Variants in MDGA2 observed in about 807,000 individuals in gnomAD.
The protein encoded by MDGA2 is MAM domain containing glycosylphosphatidylinositol anchor 2.
In MDGA2, 40 loss-of-function variants were observed where a neutral mutation model predicts 117.8. That is an observed-to-expected ratio of 0.34 (90% CI 0.26 to 0.44). The LOEUF is 0.44. Among genes scored for constraint, MDGA2 ranks in the 20% least tolerant of loss-of-function variants. The probability of loss-of-function intolerance (pLI) is 1.00; values close to 1 mark genes in which losing one functional copy is unlikely to be tolerated. For synonymous variants in MDGA2, 452 were observed against 439.0 expected (o/e 1.03, Z -0.37); for missense variants, 1,123 against 1,250.6 (o/e 0.90, Z 1.54).
At chr14:47,356,515 G>GT (rs1890997104) in intron 1 of MDGA2, among the ~76,000 whole-genome samples, 1 of 152,118 alleles carries the variant, frequency 6.6e-6, no homozygotes, top group African/African-American at 2.4e-5. Flanking sequence ...TATGCCATGC[G>GT]TATCCCCAGA....
In MDGA2 at chr14:47,200,991, G is replaced by A. The variant is rs531299348; in HGVS notation, c.595+17030C>T. ...AATTGCCAGAAATGTTGATGCCTTC[G>A]CAGCATACGACCACCACTTTCCTGC... On this transcript the variant is annotated intron_variant, in intron 3 of 16. Transcript: ENST00000399232. 76 of 839,428 alleles carry A rather than the reference G, an allele frequency of 9.1e-5. 1 individual carries two copies. The South Asian group carries it at 9.6e-4, about 11-fold the overall frequency. 52.0% of individuals were successfully genotyped at this position (839,428 alleles called of 1,614,324 possible).
chr14:47,467,751 GT>G (rs1893633990), intron 1 of MDGA2, among the ~76,000 whole-genome samples: 1 of 152,072 alleles, frequency 6.6e-6, no homozygotes, highest in Non-Finnish European at 1.5e-5. Flanking sequence ...ATAAGTATGT[GT>G]GTGTGTGTTT....
chr14:46,904,818 A>G (rs916861581), intron 10 of MDGA2, among the ~76,000 whole-genome samples: 2 of 152,176 alleles, frequency 1.3e-5, no homozygotes, highest in Non-Finnish European at 1.5e-5. Context: ...CCCCAAACTC[A>G]GGTGATTTCT....
chr14:47,216,445 G>A (rs1336363593), intron 3 of MDGA2, among the ~76,000 whole-genome samples: 3 of 152,008 alleles, frequency 2.0e-5, no homozygotes, highest in South Asian at 2.1e-4. Flanking sequence ...TGGGCAAAAC[G>A]TGATTATTCA....
Position 47,204,613 on chromosome 14 carries a change from G to A in MDGA2, c.595+13408C>T, listed in dbSNP as rs181234337. Among the ~76,000 whole-genome samples, 7 of 151,848 alleles carry A rather than the reference G, an allele frequency of 4.6e-5. No homozygotes were observed. The East Asian group carries it at 1.2e-3, about 25-fold the overall frequency. ...GGTTGCAACACCTTCTTCATTCCTA[G>A]TATTATTCTGTTAACAGTGGAACTT... is the stretch of plus-strand genomic sequence containing the variant. On this transcript the variant is annotated intron_variant, in intron 3 of 16. Coordinates refer to ENST00000399232, the MANE Select transcript of MDGA2 (RefSeq NM_001113498.3).
Position 47,374,419 on chromosome 14 carries a change from G to A in MDGA2, c.281-72869C>T, listed in dbSNP as rs970456496. 6.6e-5 allele frequency among the ~76,000 whole-genome samples: 10 copies of A among 151,962 alleles called. 1 individual carries two copies. Among genetic ancestry groups the A allele is most frequent in the African/African-American group, 1.4e-4 (6 of 41,384 alleles). On this transcript the variant is annotated intron_variant, in intron 1 of 16. Coordinates refer to ENST00000399232, the MANE Select transcript of MDGA2 (RefSeq NM_001113498.3). ...TCTATATAAGCAAGATTGCCAGACC[G>A]TAAGACACATGTGATATTAATATCT...
At chr14:47,655,477 A>C (rs1195664220) in intron 1 of MDGA2, among the ~76,000 whole-genome samples, 3 of 152,142 alleles carry the variant, frequency 2.0e-5, no homozygotes, top group Non-Finnish European at 2.9e-5. Flanking sequence ...ACATCCTGTA[A>C]GAGAACCGAA....
At position 47,241,463 on chromosome 14, in the gene MDGA2, T is replaced by A. The variant is rs183824368; in HGVS notation, c.421-23268A>T. On this transcript the variant is annotated intron_variant, in intron 2 of 16. Coordinates refer to ENST00000399232, the MANE Select transcript of MDGA2 (RefSeq NM_001113498.3). Reference sequence around the variant, plus strand: ...TCACAGGATAGAAGAAATTTAAAAATTATTGTGTTTGTTTTTTGTGTGTGT... The same window carrying A: ...TCACAGGATAGAAGAAATTTAAAAAATATTGTGTTTGTTTTTTGTGTGTGT... Among the ~76,000 whole-genome samples, 943 of 152,060 alleles carry A rather than the reference T, an allele frequency of 6.2e-3. 34 individuals carry two copies. Among genetic ancestry groups the A allele is most frequent in the Non-Finnish European group, 0.011 (746 of 67,866 alleles).
intron 1 of MDGA2, among the ~76,000 whole-genome samples, chr14:47,538,905 G>C (rs944880864): frequency 1.3e-5 from 2 of 152,118 alleles, no homozygotes; most frequent in Non-Finnish European, 2.9e-5. Context: ...TATCTCAGGG[G>C]TAACGGAGTA....
intron 5 of MDGA2, among the ~76,000 whole-genome samples, chr14:47,126,213 T>C (rs1238050922): frequency 3.3e-5 from 5 of 152,026 alleles, no homozygotes; most frequent in African/African-American, 7.2e-5. Flanking sequence ...TATATATAAA[T>C]TTTAAAAATA....
At chr14:47,627,230 T>TGGC (rs887778014) in intron 1 of MDGA2, among the ~76,000 whole-genome samples, 1 of 150,302 alleles carries the variant, frequency 6.7e-6, no homozygotes, top group African/African-American at 2.5e-5. Flanking sequence ...ATGCACCAAT[T>TGGC]GGCACTCTGT....
chr14:47,654,344 A>T (rs1897700097), intron 1 of MDGA2, among the ~76,000 whole-genome samples: 1 of 152,058 alleles, frequency 6.6e-6, no homozygotes, highest in Non-Finnish European at 1.5e-5. Context: ...CCCTGTTAAG[A>T]GACTAGTGTT....
intron 3 of MDGA2, among the ~76,000 whole-genome samples, chr14:47,167,767 A>G (rs1404423276): frequency 6.6e-6 from 1 of 152,216 alleles, no homozygotes; most frequent in Admixed American, 6.5e-5. Context: ...GTGAGTGGTT[A>G]TATGAACAAA....
At chr14:46,942,227 T>C (rs552450770) in intron 9 of MDGA2, among the ~76,000 whole-genome samples, 72 of 152,280 alleles carry the variant, frequency 4.7e-4, no homozygotes, top group African/African-American at 1.5e-3. Flanking sequence ...CAAATCATTC[T>C]TGAGGAAAAA....
intron 14 of MDGA2, chr14:46,871,632 G>A (rs1485933127): frequency 6.5e-6 from 1 of 153,998 alleles, no homozygotes; most frequent in Non-Finnish European, 1.5e-5. Flanking sequence ...AGTAACCTAA[G>A]ATTATGAGTG....
intron 8 of MDGA2, among the ~76,000 whole-genome samples, chr14:47,013,375 C>T (rs1021933121): frequency 6.6e-6 from 1 of 152,088 alleles, no homozygotes; most frequent in African/African-American, 2.4e-5. Context: ...GAAGTTCTTT[C>T]GTGAGATTGC....
chr14:47,018,792 G>A (rs141670222), intron 8 of MDGA2, among the ~76,000 whole-genome samples: 5,442 of 114,608 alleles, frequency 0.047, 168 homozygotes, highest in Middle Eastern at 0.084. Context: ...AAACAAAGTG[G>A]GAAAATAGGG....
At chr14:47,270,884 T>G (rs1475793968) in intron 2 of MDGA2, among the ~76,000 whole-genome samples, 1 of 152,142 alleles carries the variant, frequency 6.6e-6, no homozygotes, top group Non-Finnish European at 1.5e-5. Context: ...AAAAGAGGCT[T>G]GTTTACTCAT....
intron 3 of MDGA2, among the ~76,000 whole-genome samples, chr14:47,169,442 T>C (rs926216636): frequency 6.6e-6 from 1 of 151,896 alleles, no homozygotes; most frequent in Non-Finnish European, 1.5e-5. Flanking sequence ...ATGTAGTGTG[T>C]CAGATATAAT....
Sources: gnomAD v4.1 joint callset for allele counts (sites outside exome capture counted in the v4.1 genomes callset) on GRCh38, gnomAD v4.1.1 for gene constraint, MANE v1.5 for transcripts, NCBI Gene and HGNC (gene_info 2026-07-23, HGNC 2026-07-21) for gene names.